The following MICB variants were observed in gnomAD, a reference collection of about 807,000 sequenced individuals.
MICB encodes MHC class I antigen-related protein B.
A neutral mutation model predicts 34.3 loss-of-function variants in MICB; 27 were observed. That is an observed-to-expected ratio of 0.79 (90% CI 0.58 to 1.08). The LOEUF (loss-of-function observed/expected upper bound fraction) is 1.08. MICB is among the 50% of genes least tolerant of loss of function. The pLI is 0.00. For synonymous variants in MICB, 153 were observed against 187.4 expected, an observed-to-expected ratio of 0.82 and a Z score of 1.50; for missense variants, 426 against 483.1, an observed-to-expected ratio of 0.88 and a Z score of 1.11.
upstream of MICB, among the ~76,000 whole-genome samples, chr6:31,495,660 A>G (rs1276863645): frequency 2.0e-5 from 3 of 149,880 alleles, no homozygotes; most frequent in African/African-American, 7.4e-5. Flanking sequence ...TGTGAGGCCA[A>G]CAAAAAAGAA....
upstream of MICB, among the ~76,000 whole-genome samples, chr6:31,495,422 C>T (rs1028103990): frequency 6.6e-6 from 1 of 152,076 alleles, no homozygotes; most frequent in Non-Finnish European, 1.5e-5. Context: ...TGCTTATGAT[C>T]TTTAGCAGTG....
intron 1 of MICB, among the ~76,000 whole-genome samples, 183 bp downstream of exon 1, chr6:31,498,446 C>CTTTTTTTTTTTTTTTTTTT (rs9279321): frequency 2.2e-5 from 2 of 89,306 alleles, no homozygotes; most frequent in Non-Finnish European, 4.3e-5. Context: ...TCTCCCGTCT[C>CTTTTTTTTTTTTTTTTTTT]TTTTTTTTTT....
intron 1 of MICB, among the ~76,000 whole-genome samples, chr6:31,501,705 G>A (rs539574314): frequency 2.6e-5 from 4 of 152,204 alleles, no homozygotes; most frequent in African/African-American, 7.2e-5. Flanking sequence ...TGCCCTGTAT[G>A]TGTTCTTGGT....
Position 31,505,856 on chromosome 6 carries a change from AAGG to A in MICB, c.312_314del (p.Lys104_Asp105delinsAsn). Reference sequence around the variant, plus strand: ...CCTCAGGAGGACCCTGACTCATATCAAGGACCAGAAAGGAGGTGAGAGTCGGCA... The same window carrying A: ...CCTCAGGAGGACCCTGACTCATATCAACCAGAAAGGAGGTGAGAGTCGGCA... On this transcript the variant is annotated inframe_deletion, in exon 2 of 6. Coordinates refer to ENST00000252229, the MANE Select transcript of MICB (RefSeq NM_005931.5). The A allele has an allele frequency of 1.2e-6, 2 of 1,606,656 alleles. No individual in the cohort carries two copies. The highest frequency in any genetic ancestry group is 1.7e-6 in the Non-Finnish European group (2 of 1,176,638).
chr6:31,504,338 C>T (rs6910297), intron 1 of MICB, among the ~76,000 whole-genome samples: 39,092 of 138,766 alleles, frequency 0.28, 5,528 homozygotes, highest in Admixed American at 0.37. Flanking sequence ...CAGCTCACTG[C>T]AAGCTCCGCC....
Position 31,505,387 on chromosome 6 carries a change from C to A in MICB, c.71-230C>A, listed in dbSNP as rs528577914. On this transcript the variant is annotated intron_variant, in intron 1 of 5. Coordinates refer to ENST00000252229, the MANE Select transcript of MICB (RefSeq NM_005931.5). ...GGCTTGTGGCCACCCAGTCCTGGCA[C>A]CTGACCTACAAGTTTGCCATCTTCA... Among the ~76,000 whole-genome samples, 242 of 152,348 alleles carry A rather than the reference C, an allele frequency of 1.6e-3. 5 individuals carry two copies. Among genetic ancestry groups the A allele is most frequent in the Admixed American group, 0.014 (215 of 15,312 alleles).
rs142186496 is a variant in MICB, at chr6:31,505,930, A to G, written c.325+59A>G. ...CCTTCTCCAGGAAAGTTGGAGACAG[A>G]GAGCAGGGACCTGTCTCTTCCCGCT... On this transcript the variant is annotated intron_variant, in intron 2 of 5. Coordinates refer to ENST00000252229, the MANE Select transcript of MICB (RefSeq NM_005931.5). 11,348 of 1,532,154 alleles carry G rather than the reference A, an allele frequency of 7.4e-3. 62 individuals carry two copies. The highest frequency in any genetic ancestry group is 0.019 in the Middle Eastern group (111 of 5,864). 94.9% of individuals were successfully genotyped at this position (1,532,154 alleles called of 1,614,324 possible). A position where few individuals can be genotyped will look rare whatever the true frequency, so the allele number is the denominator to read the frequency against.
intron 1 of MICB, among the ~76,000 whole-genome samples, chr6:31,500,939 T>C (rs986977587): frequency 1.3e-5 from 2 of 152,230 alleles, no homozygotes; most frequent in Admixed American, 6.5e-5. Flanking sequence ...TTTGGGTATA[T>C]GCCTAACAGT....
At chr6:31,502,776 T>C (rs1012542748) in intron 1 of MICB, among the ~76,000 whole-genome samples, 1 of 152,234 alleles carries the variant, frequency 6.6e-6, no homozygotes, top group African/African-American at 2.4e-5. Context: ...CTTGCAGTAT[T>C]GTGTTGCATA....
intron 1 of MICB, among the ~76,000 whole-genome samples, chr6:31,503,089 G>A (rs1424143641): frequency 6.6e-6 from 1 of 152,222 alleles, no homozygotes; most frequent in Non-Finnish European, 1.5e-5. Flanking sequence ...ACTTGGTCAT[G>A]AAGAATGATC....
At position 31,507,636 on chromosome 6, in the gene MICB, G is replaced by A. The variant is rs3130615; in HGVS notation, c.1024+105G>A. On this transcript the variant is annotated intron_variant, in intron 5 of 5. Coordinates refer to ENST00000252229, the MANE Select transcript of MICB (RefSeq NM_005931.5). This position sits in a 1 kb window ranked among gnomAD's most constrained non-coding sequence, Gnocchi z 6.0. ...AAGACGTAGGTGACAAGGCTGCTGG[G>A]ACAGGGGATGGAAGCTGGGGTATTT... The A allele has an allele frequency of 0.76, 1,049,634 of 1,387,620 alleles. 399,222 individuals are homozygous for A. Among genetic ancestry groups the A allele is most frequent in the East Asian group, 0.88 (38,523 of 43,746 alleles). The allele number at this position is 1,387,620 out of a possible 1,614,324, so 86.0% of individuals were successfully genotyped here.
upstream of MICB, among the ~76,000 whole-genome samples, chr6:31,495,550 T>C (rs1764608188): frequency 6.6e-6 from 1 of 152,160 alleles, no homozygotes; most frequent in South Asian, 2.1e-4. Flanking sequence ...TTGTTAAAAT[T>C]CTCGAATACA....
intron 5 of MICB, among the ~76,000 whole-genome samples, chr6:31,508,633 C>T (rs1053518513): frequency 1.3e-5 from 2 of 152,126 alleles, no homozygotes; most frequent in Non-Finnish European, 1.5e-5. Flanking sequence ...CGGCGTCTCC[C>T]GTGGAGGGAT....
In MICB at chr6:31,507,322, A is replaced by G. The variant is rs1765407297; in HGVS notation, c.892+22A>G. On this transcript the variant is annotated intron_variant, in intron 4 of 5. Coordinates refer to ENST00000252229, the MANE Select transcript of MICB (RefSeq NM_005931.5). The surrounding 1 kb of genome is among the most constrained non-coding windows in gnomAD (Gnocchi z 6.0). ...TCTGGTGAGCCTGGGGTGACCCTGG[A>G]GAGGGTCAGGCCAGGGTAGGAACAG... The G allele has an allele frequency of 6.2e-7, 1 of 1,610,934 alleles. No homozygotes were observed. The highest frequency in any genetic ancestry group is 8.5e-7 in the Non-Finnish European group (1 of 1,178,496).
intron 1 of MICB, among the ~76,000 whole-genome samples, chr6:31,501,040 G>A (rs1286885205): frequency 1.3e-5 from 2 of 152,026 alleles, no homozygotes; most frequent in East Asian, 1.9e-4. Flanking sequence ...ACTAGTTTAC[G>A]TTCCCACCAA....
chr6:31,502,727 CCTTTATTTCCTT>C (rs1765078213), intron 1 of MICB, among the ~76,000 whole-genome samples: 2 of 152,236 alleles, frequency 1.3e-5, no homozygotes, highest in South Asian at 2.1e-4. Context: ...ATTTTGATGC[CCTTTATTTCCTT>C]CTCCTGTCAG....
upstream of MICB, chr6:31,498,093 G>A: frequency 1.1e-6 from 1 of 934,224 alleles, no homozygotes; most frequent in Non-Finnish European, 1.5e-6. Flanking sequence ...ATAAGCGGTC[G>A]CTGAGCGGGG....
At chr6:31,506,473 C>A in intron 3 of MICB, 43 bp downstream of exon 3, 2 of 1,586,512 alleles carry the variant, frequency 1.3e-6, no homozygotes, top group Non-Finnish European at 1.7e-6. Context: ...CGCAATTCTG[C>A]TAGAGTTGCC....
rs769806725 is a variant in MICB at position 31,507,427 on chromosome 6, G to A, written c.920G>A (p.Arg307Gln). The change falls in exon 5 of 6, where the codon CGG becomes CAG. Residue 307 changes from arginine (R) to glutamine (Q), a missense_variant. Arg to Gln is a conservative substitution (Grantham distance 43). Coordinates refer to ENST00000252229, the MANE Select transcript of MICB (RefSeq NM_005931.5). The surrounding 1 kb of genome is among the most constrained non-coding windows in gnomAD (Gnocchi z 6.0). ...AAGGCGCTGGTGCTTCAGAGTCAAC[G>A]GACAGACTTTCCATATGTTTCTGCT... ...SGKALVLQSQ[R>Q]TDFPYVSAAM... 17 of 1,613,954 alleles carry A rather than the reference G, an allele frequency of 1.1e-5. No homozygotes were observed. The highest frequency in any genetic ancestry group is 4.5e-5 in the East Asian group (2 of 44,894).
Sources: gnomAD v4.1 joint callset for allele counts (sites outside exome capture counted in the v4.1 genomes callset) on GRCh38, gnomAD v4.1.1 for gene constraint, Gnocchi (gnomAD v3.1) non-coding constraint, MANE v1.5 for transcripts, NCBI Gene and HGNC (gene_info 2026-07-23, HGNC 2026-07-21) for gene names.